The following PCDH9 variants were observed in gnomAD, a reference collection of about 807,000 sequenced individuals.
The protein encoded by PCDH9 is protocadherin 9.
In PCDH9, 24 loss-of-function variants were observed where a neutral mutation model predicts 70.6. The observed-to-expected ratio is 0.34, with a 90% confidence interval of 0.25 to 0.48. The LOEUF (loss-of-function observed/expected upper bound fraction) is 0.48. Ranked by LOEUF, PCDH9 falls within the 20% of genes least tolerant of loss-of-function variation. PCDH9 has a pLI of 0.99. For synonymous variants in PCDH9, 562 were observed against 558.5 expected (o/e 1.01, Z -0.09); for missense variants, 1,281 against 1,503.6 (o/e 0.85, Z 2.45).
chr13:66,573,799 C>A (rs954853064), intron 4 of PCDH9, among the ~76,000 whole-genome samples: 1 of 152,032 alleles, frequency 6.6e-6, no homozygotes, highest in South Asian at 2.1e-4. Flanking sequence ...AAATGCAATG[C>A]AATTATCAGT....
chr13:67,154,605 TAC>T (rs765270091), intron 2 of PCDH9, among the ~76,000 whole-genome samples: 8,196 of 92,536 alleles, frequency 0.089, 904 homozygotes, highest in Admixed American at 0.14. Context: ...AATATATATA[TAC>T]ACACACACAC....
chr13:66,788,475 T>G (rs2080112899), intron 3 of PCDH9, among the ~76,000 whole-genome samples: 1 of 152,062 alleles, frequency 6.6e-6, no homozygotes, highest in Non-Finnish European at 1.5e-5. Flanking sequence ...AATTGATAGT[T>G]AAGTTGAATA....
chr13:66,366,265 G>T (rs115011422), intron 4 of PCDH9, among the ~76,000 whole-genome samples: 8 of 151,708 alleles, frequency 5.3e-5, no homozygotes, highest in African/African-American at 1.9e-4. Context: ...ATTGAACTTT[G>T]CAGAATTAAA....
At chr13:66,831,062 C>T (rs952294125) in intron 3 of PCDH9, among the ~76,000 whole-genome samples, 3 of 152,098 alleles carry the variant, frequency 2.0e-5, no homozygotes, top group Non-Finnish European at 4.4e-5. Context: ...TACATACAGA[C>T]TCTAGGAGGT....
At chr13:67,225,354 G>T in intron 2 of PCDH9, 51 bp downstream of exon 2, 1 of 1,547,072 alleles carries the variant, frequency 6.5e-7, no homozygotes. Flanking sequence ...AATACTGGTT[G>T]ACTGGGCACT....
chr13:66,326,161 T>G (rs754361802), intron 4 of PCDH9, among the ~76,000 whole-genome samples: 1 of 152,100 alleles, frequency 6.6e-6, no homozygotes, highest in Non-Finnish European at 1.5e-5. Flanking sequence ...CTGTACCATC[T>G]TGATTACGTC....
chr13:66,367,373 A>C (rs2138207632), intron 4 of PCDH9, among the ~76,000 whole-genome samples: 1 of 152,284 alleles, frequency 6.6e-6, no homozygotes, highest in Admixed American at 6.5e-5. Flanking sequence ...GAGGCTACAA[A>C]TACAAAAGTC....
chr13:66,992,902 T>TAA (rs35934997), intron 2 of PCDH9, among the ~76,000 whole-genome samples: 1 of 139,036 alleles, frequency 7.2e-6, no homozygotes. Flanking sequence ...CTCTGACTCC[T>TAA]AAAAAAAAAA....
At chr13:66,632,980 C>T (rs374372127) in intron 3 of PCDH9, among the ~76,000 whole-genome samples, 2 of 152,040 alleles carry the variant, frequency 1.3e-5, no homozygotes, top group East Asian at 1.9e-4. Context: ...AAAAGGATTG[C>T]GGTTAGAAAC....
At chr13:67,140,019 T>C (rs970186460) in intron 2 of PCDH9, among the ~76,000 whole-genome samples, 1 of 102,994 alleles carries the variant, frequency 9.7e-6, no homozygotes, top group Non-Finnish European at 2.0e-5. Flanking sequence ...ATGTGATTTT[T>C]TGATCACCCC....
intron 2 of PCDH9, among the ~76,000 whole-genome samples, chr13:67,074,058 ATC>A (rs1490509491): frequency 2.7e-5 from 4 of 149,004 alleles, no homozygotes; most frequent in African/African-American, 9.9e-5. Context: ...CTATCTATCT[ATC>A]TATCTATCTA....
chr13:66,663,332 C>T (rs1465573723), intron 3 of PCDH9, among the ~76,000 whole-genome samples: 1 of 152,096 alleles, frequency 6.6e-6, no homozygotes, highest in Non-Finnish European at 1.5e-5. Flanking sequence ...CAGCAGGATT[C>T]TTCCAAATAT....
chr13:66,960,437 T>TA (rs1458523672), intron 2 of PCDH9, among the ~76,000 whole-genome samples: 2 of 152,096 alleles, frequency 1.3e-5, no homozygotes, highest in Admixed American at 6.5e-5. Flanking sequence ...GAAAACCCTA[T>TA]AAAAAATTCA....
intron 2 of PCDH9, among the ~76,000 whole-genome samples, chr13:67,126,540 GT>G (rs897442578): frequency 2.6e-5 from 4 of 152,136 alleles, no homozygotes; most frequent in African/African-American, 9.6e-5. Context: ...GAATAGACAA[GT>G]TTCCTCCTTA....
At chr13:66,562,527 T>C (rs2076588681) in intron 4 of PCDH9, among the ~76,000 whole-genome samples, 1 of 152,170 alleles carries the variant, frequency 6.6e-6, no homozygotes, top group Non-Finnish European at 1.5e-5. Context: ...AAGGCATGTC[T>C]TACATGGTAG....
chr13:66,305,298 C>T (rs1955445738), intron 4 of PCDH9, among the ~76,000 whole-genome samples: 3 of 151,854 alleles, frequency 2.0e-5, no homozygotes, highest in Admixed American at 2.0e-4. Flanking sequence ...GATAAAAAGA[C>T]AGATATGGGT....
chr13:66,971,196 A>T (rs901285597), intron 2 of PCDH9, among the ~76,000 whole-genome samples: 3 of 152,076 alleles, frequency 2.0e-5, no homozygotes, highest in Non-Finnish European at 2.9e-5. Flanking sequence ...AGTGCTGAGA[A>T]CAGTCAGGAA....
chr13:67,127,676 ATGTGTGTGTG>A (rs142545550), intron 2 of PCDH9, among the ~76,000 whole-genome samples: 3 of 145,490 alleles, frequency 2.1e-5, no homozygotes, highest in Non-Finnish European at 4.5e-5. Context: ...ATATATATAT[ATGTGTGTGTG>A]TGTGTGTGTG....
chr13:66,320,869 A>T (rs756597222), intron 4 of PCDH9, among the ~76,000 whole-genome samples: 17 of 152,058 alleles, frequency 1.1e-4, no homozygotes, highest in Non-Finnish European at 2.4e-4. Flanking sequence ...TTATTTGACT[A>T]AACAGATGAT....
Sources: allele counts gnomAD v4.1 joint callset (sites outside exome capture counted in the v4.1 genomes callset), GRCh38; gene constraint gnomAD v4.1.1; transcripts MANE v1.5; gene names NCBI Gene and HGNC (gene_info 2026-07-23, HGNC 2026-07-21).